DNAH5: variants seen among roughly 807,000 people sequenced by gnomAD.
DNAH5 encodes the protein dynein axonemal heavy chain 5.
A neutral mutation model predicts 518.2 loss-of-function variants in DNAH5; 372 were observed. The ratio of observed to expected loss-of-function variants is 0.72; its 90% CI spans 0.66 to 0.78. The LOEUF is 0.78. Ranked by LOEUF, DNAH5 falls within the 30% of genes least tolerant of loss-of-function variation. DNAH5 has a pLI of 0.00. For missense variants in DNAH5, 5,523 were observed against 5,687.0 expected (o/e 0.97, Z 0.93); for synonymous variants, 2,039 against 2,025.9 (o/e 1.01, Z -0.17).
At chr5:13,736,676 C>T (rs757322361) in intron 66 of DNAH5, among the ~76,000 whole-genome samples, 1 of 152,178 alleles carries the variant, frequency 6.6e-6, no homozygotes, top group Non-Finnish European at 1.5e-5. Context: ...ATCTGCCCAC[C>T]TCAGCCTCCC....
intron 65 of DNAH5, among the ~76,000 whole-genome samples, chr5:13,750,496 C>T (rs1196952048): frequency 6.6e-6 from 1 of 152,156 alleles, no homozygotes; most frequent in Non-Finnish European, 1.5e-5. Flanking sequence ...GTTTCATTAG[C>T]ATAATTAAGT....
chr5:13,776,822 G>A, intron 54 of DNAH5, 116 bp from the exon 55 acceptor site: 1 of 1,156,312 alleles, frequency 8.6e-7, no homozygotes, highest in Non-Finnish European at 1.3e-6. Flanking sequence ...CTCACCTACA[G>A]AAAATTGAAA....
chr5:13,963,822 G>A (rs1781349813), intron 1 of DNAH5, among the ~76,000 whole-genome samples: 1 of 152,064 alleles, frequency 6.6e-6, no homozygotes, highest in Non-Finnish European at 1.5e-5. Context: ...CTGAGTACAT[G>A]GGACGACAGG....
chr5:13,908,406 G>A (rs1242476400), intron 12 of DNAH5, among the ~76,000 whole-genome samples: 3 of 152,036 alleles, frequency 2.0e-5, no homozygotes, highest in Non-Finnish European at 4.4e-5. Context: ...AATCTCTACT[G>A]AGCCCTAACA....
chr5:14,011,001 A>T (rs1430539641), intron 1 of DNAH5, among the ~76,000 whole-genome samples: 1 of 128,510 alleles, frequency 7.8e-6, no homozygotes, highest in South Asian at 2.2e-4. Context: ...ATATTCACTT[A>T]AAAAAAAAAA....
At chr5:13,854,155 T>C (rs956233895) in intron 30 of DNAH5, among the ~76,000 whole-genome samples, 4 of 152,190 alleles carry the variant, frequency 2.6e-5, no homozygotes, top group Non-Finnish European at 5.9e-5. Context: ...GGGAAGCCCA[T>C]TAGACTAACA....
At chr5:13,901,633 A>G in intron 13 of DNAH5, 60 bp from the exon 14 acceptor site, 1 of 1,057,872 alleles carries the variant, frequency 9.5e-7, no homozygotes, top group East Asian at 2.6e-5. Flanking sequence ...AAAATACACA[A>G]TAAAAATATC....
intron 62 of DNAH5, among the ~76,000 whole-genome samples, 175 bp downstream of exon 62, chr5:13,754,028 T>A (rs558387072): frequency 7.4e-4 from 112 of 152,252 alleles, no homozygotes; most frequent in African/African-American, 2.6e-3. Context: ...AATTTTTTTT[T>A]AATTTTATTA....
Position 14,007,767 on chromosome 5 carries a change from T to C in DNAH5, c.12+3881A>G, listed in dbSNP as rs997524585. On this transcript the variant is annotated intron_variant, in intron 1 of 78. Coordinates refer to the DNAH5 transcript ENST00000681290. ...GTGGACAGCGGTCACAATTTGTTCATCTCATTTGGTCCTCACAAAAAAAGA... is the reference window on the plus strand; with the variant it reads ...GTGGACAGCGGTCACAATTTGTTCACCTCATTTGGTCCTCACAAAAAAAGA... 4.6e-5 allele frequency among the ~76,000 whole-genome samples: 7 copies of C among 152,256 alleles called. 2 individuals carry two copies. Among genetic ancestry groups the C allele is most frequent in the Admixed American group, 4.6e-4 (7 of 15,288 alleles).
chr5:13,782,258 T>A (rs1286305698), intron 52 of DNAH5, among the ~76,000 whole-genome samples: 1 of 152,176 alleles, frequency 6.6e-6, no homozygotes, highest in Admixed American at 6.5e-5. Flanking sequence ...TTCTGCCAAG[T>A]TTTTGTTAAA....
intron 21 of DNAH5, among the ~76,000 whole-genome samples, chr5:13,882,338 A>G (rs1453705264): frequency 6.6e-6 from 1 of 150,524 alleles, no homozygotes; most frequent in Non-Finnish European, 1.5e-5. Flanking sequence ...CCAAAGCTAG[A>G]CACATACACT....
intron 1 of DNAH5, among the ~76,000 whole-genome samples, chr5:13,951,240 A>G (rs1407221576): frequency 1.1e-5 from 1 of 90,834 alleles, no homozygotes; most frequent in Non-Finnish European, 2.0e-5. Context: ...TTTTTGAAGC[A>G]GGGTCTTGCT....
chr5:13,908,493 G>T (rs1447081164), intron 12 of DNAH5, among the ~76,000 whole-genome samples: 1 of 152,158 alleles, frequency 6.6e-6, no homozygotes, highest in Non-Finnish European at 1.5e-5. Context: ...CAACATGTAA[G>T]ACCTAGACTT....
rs528253975 is a variant in DNAH5 at position 13,810,285 on chromosome 5, T to A, written c.7408-25A>T. The A allele has an allele frequency of 3.3e-4, 512 of 1,545,598 alleles. 10 individuals are homozygous for A. In the South Asian group the frequency reaches 5.7e-3, roughly 17 times the overall value. Reference sequence around the variant, plus strand: ...CCTGAGAAGGAAAGACACTTTTTTTTAATAACTTGATTCTGAAACCCAAAC... The same window carrying A: ...CCTGAGAAGGAAAGACACTTTTTTTAAATAACTTGATTCTGAAACCCAAAC... On this transcript the variant is annotated intron_variant, in intron 44 of 78. Coordinates refer to ENST00000265104, the MANE Select transcript of DNAH5 (RefSeq NM_001369.3).
chr5:13,835,980 G>A (rs1284915554), intron 35 of DNAH5, among the ~76,000 whole-genome samples: 1 of 152,294 alleles, frequency 6.6e-6, no homozygotes, highest in East Asian at 1.9e-4. Context: ...CAAATTGAAG[G>A]TAGATTATTG....
At position 13,914,609 on chromosome 5, in the gene DNAH5, A is replaced by C; in HGVS notation, c.1231T>G (p.Tyr411Asp). ...GAAGCGGTTCCATTATTGGTAATAT[A>C]GGCTTTACATGCAGATATAATCTGA... Reference protein sequence around the residue: ...TNQIISACKAYITNNGTASIW... With the variant: ...TNQIISACKADITNNGTASIW... Residue 411 changes from tyrosine (Y) to aspartate (D), a missense_variant, in exon 10 of 79, where the codon TAT becomes GAT. Physicochemically the swap from Tyr to Asp is radical, Grantham distance 160. Around this residue, in one of 3 missense-constraint regions of DNAH5, gnomAD observed 5,121 missense variants for 5,223.3 expected, o/e 0.98. Transcript: ENST00000265104. 6.2e-7 allele frequency: 1 copy of C among 1,613,232 alleles called. No individual in the cohort carries two copies. Among genetic ancestry groups the C allele is most frequent in the Non-Finnish European group, 8.5e-7 (1 of 1,179,258 alleles).
At chr5:13,740,717 C>T (rs1748383441) in intron 65 of DNAH5, among the ~76,000 whole-genome samples, 1 of 152,166 alleles carries the variant, frequency 6.6e-6, no homozygotes, top group Non-Finnish European at 1.5e-5. Context: ...GCTGCTCTGT[C>T]AGGTCTGTTC....
In DNAH5 at chr5:13,891,074, G is replaced by A. The variant is rs760986984; in HGVS notation, c.2479C>T (p.Arg827Cys). 18 of 1,613,948 alleles carry A rather than the reference G, an allele frequency of 1.1e-5. No homozygotes were observed. The Admixed American group carries it at 1.5e-4, about 13-fold the overall frequency. ...LDRVNDLIEF[R>C]IDAILEEMSS... Reference sequence around the variant, plus strand: ...ATTTCTTCTAGAATGGCATCAATGCGGAACTCAATCAAATCATTGACCCTG... The same window carrying A: ...ATTTCTTCTAGAATGGCATCAATGCAGAACTCAATCAAATCATTGACCCTG... The change falls in exon 17 of 79, where the codon CGC becomes TGC. Residue 827 changes from arginine (R) to cysteine (C), a missense_variant. Around this residue, in one of 3 missense-constraint regions of DNAH5, gnomAD observed 5,121 missense variants for 5,223.3 expected, o/e 0.98. Transcript: ENST00000265104.
chr5:13,885,887 G>T, intron 18 of DNAH5, 77 bp downstream of exon 18: 4 of 1,270,066 alleles, frequency 3.1e-6, no homozygotes, highest in Non-Finnish European at 3.4e-6. Flanking sequence ...GAAATTAATT[G>T]GTATGTAGAA....
Sources: gnomAD v4.1 joint callset for allele counts (sites outside exome capture counted in the v4.1 genomes callset) on GRCh38, gnomAD v4.1.1 for gene constraint, gnomAD v4.1.1 regional missense constraint, MANE v1.5 for transcripts, NCBI Gene and HGNC (gene_info 2026-07-23, HGNC 2026-07-21) for gene names.